The following CFAP20DC variants were observed in gnomAD, a reference collection of about 807,000 sequenced individuals.
CFAP20DC encodes CFAP20 domain containing.
In CFAP20DC, 84 loss-of-function variants were observed where a neutral mutation model predicts 101.7. The observed-to-expected ratio is 0.83, with a 90% CI of 0.69 to 0.99. CFAP20DC has a LOEUF of 0.99. CFAP20DC is among the 50% of genes least tolerant of loss of function. The pLI is 0.00. For synonymous variants in CFAP20DC, 359 were observed against 351.2 expected, an observed-to-expected ratio of 1.02 and a Z score of -0.25; for missense variants, 1,007 against 970.3, an observed-to-expected ratio of 1.04 and a Z score of -0.50.
intron 15 of CFAP20DC, among the ~76,000 whole-genome samples, chr3:58,761,026 G>T (rs556981143): frequency 2.6e-5 from 4 of 152,144 alleles, no homozygotes; most frequent in Non-Finnish European, 4.4e-5. Flanking sequence ...CCAGGCTTTG[G>T]TATCAGGATG....
intron 12 of CFAP20DC, chr3:58,862,357 T>C: frequency 3.0e-6 from 3 of 985,426 alleles, no homozygotes; most frequent in Non-Finnish European, 3.6e-6. Context: ...TTTTTATAGC[T>C]TTATGTTATT....
intron 6 of CFAP20DC, among the ~76,000 whole-genome samples, chr3:58,890,833 C>A (rs899874678): frequency 4.7e-5 from 7 of 149,414 alleles, no homozygotes; most frequent in Non-Finnish European, 7.4e-5. Context: ...GATGGGCCGC[C>A]GGGCAGAGAC....
rs772463592 is a variant in CFAP20DC, at chr3:58,889,002, CT to C, written c.551-4294del. Among the ~76,000 whole-genome samples, 958 of 145,172 alleles carry C rather than the reference CT, an allele frequency of 6.6e-3. 1 individual carries two copies. Among genetic ancestry groups the C allele is most frequent in the Non-Finnish European group, 6.6e-3 (436 of 65,854 alleles). The stretch of plus-strand genomic sequence containing the variant: ...CAGCATCTATTGTTTTTTTTTTTTA[CT>C]TTTTTTTTTAATTTTAGTATTTTGT... On this transcript the variant is annotated intron_variant, in intron 6 of 16. Transcript: ENST00000482387.
chr3:58,936,026 T>A (rs2107750310), intron 5 of CFAP20DC, among the ~76,000 whole-genome samples: 1 of 152,222 alleles, frequency 6.6e-6, no homozygotes, highest in East Asian at 1.9e-4. Context: ...CCTACTTATC[T>A]GACAAAGGGC....
At chr3:58,917,376 C>T (rs183868289) in intron 5 of CFAP20DC, among the ~76,000 whole-genome samples, 3 of 152,232 alleles carry the variant, frequency 2.0e-5, no homozygotes, top group South Asian at 2.1e-4. Context: ...CTATTCTCTG[C>T]CATTACTATA....
Position 58,729,115 on chromosome 3 carries a change from C to T in CFAP20DC, c.198-11487G>A, listed in dbSNP as rs1423725948. ...CTGGACCAAAAAATCTTGACTGCAA[C>T]CTCATGAGAGACCCCAAGCCAGAAC... On this transcript the variant is annotated intron_variant, in intron 3 of 3. Coordinates refer to the CFAP20DC transcript ENST00000486145. This position sits in a 1 kb window ranked among gnomAD's most constrained non-coding sequence, Gnocchi z 4.4. Among the ~76,000 whole-genome samples the T allele has an allele frequency of 6.6e-6, 1 of 152,150 alleles. No homozygotes were observed. The highest frequency in any genetic ancestry group is 2.4e-5 in the African/African-American group (1 of 41,428).
At chr3:58,731,864 A>G (rs2067652432) in intron 3 of CFAP20DC, among the ~76,000 whole-genome samples, 1 of 152,198 alleles carries the variant, frequency 6.6e-6, no homozygotes, top group Non-Finnish European at 1.5e-5. Flanking sequence ...CATCAATAGA[A>G]CCATTGTTGG....
intron 14 of CFAP20DC, among the ~76,000 whole-genome samples, chr3:58,825,988 AG>A (rs974853628): frequency 4.6e-5 from 7 of 152,318 alleles, no homozygotes; most frequent in African/African-American, 1.4e-4. Context: ...GAGGAATCAA[AG>A]TTTGTGTTAA....
intron 15 of CFAP20DC, among the ~76,000 whole-genome samples, chr3:58,769,602 T>C (rs2070654827): frequency 6.6e-6 from 1 of 152,122 alleles, no homozygotes; most frequent in Non-Finnish European, 1.5e-5. Context: ...CAGGAGAGCA[T>C]GCTCTGAGAG....
At chr3:58,939,753 C>T (rs934820779) in intron 4 of CFAP20DC, among the ~76,000 whole-genome samples, 3 of 147,216 alleles carry the variant, frequency 2.0e-5, no homozygotes, top group African/African-American at 7.5e-5. Flanking sequence ...TCACCGTGCC[C>T]GGCCCATTTT....
At chr3:58,846,319 C>G (rs2077636978) in intron 13 of CFAP20DC, among the ~76,000 whole-genome samples, 1 of 151,206 alleles carries the variant, frequency 6.6e-6, no homozygotes, top group African/African-American at 2.4e-5. Flanking sequence ...AGCAAAGTCT[C>G]AGGATACAAA....
Position 58,882,817 on chromosome 3 carries a change from G to A in CFAP20DC, c.715+1728C>T, listed in dbSNP as rs1250435078. Among the ~76,000 whole-genome samples, 1 of 152,148 alleles carries A rather than the reference G, an allele frequency of 6.6e-6. No homozygotes were observed. The highest frequency in any genetic ancestry group is 6.5e-5 in the Admixed American group (1 of 15,272). On this transcript the variant is annotated intron_variant, in intron 7 of 16. Transcript: ENST00000482387. This position sits in a 1 kb window ranked among gnomAD's most constrained non-coding sequence, Gnocchi z 4.2. ...AGTCCTACCTAAAGTTGGTAACTGT[G>A]GAAGCAGGTGATTGGGTACACAGGG...
downstream of CFAP20DC, among the ~76,000 whole-genome samples, chr3:58,741,329 C>T (rs550868980): frequency 4.8e-4 from 73 of 152,114 alleles, no homozygotes; most frequent in Non-Finnish European, 8.7e-4. Flanking sequence ...CAGAGTTAGA[C>T]GGACATCAAC....
At chr3:58,986,275 G>A (rs771806042) in intron 4 of CFAP20DC, among the ~76,000 whole-genome samples, 1 of 152,144 alleles carries the variant, frequency 6.6e-6, no homozygotes, top group East Asian at 1.9e-4. Context: ...GTGTTTATTG[G>A]GGGATGAGCT....
At chr3:58,758,389 T>G (rs2107319439) in intron 15 of CFAP20DC, among the ~76,000 whole-genome samples, 1 of 152,238 alleles carries the variant, frequency 6.6e-6, no homozygotes, top group South Asian at 2.1e-4. Flanking sequence ...CAGTCTTAGC[T>G]TTAGTTCTGA....
At chr3:58,935,363 G>T (rs970255899) in intron 5 of CFAP20DC, among the ~76,000 whole-genome samples, 8 of 151,970 alleles carry the variant, frequency 5.3e-5, no homozygotes, top group African/African-American at 1.7e-4. Flanking sequence ...GTAATTTATA[G>T]ATTCAATGCC....
intron 15 of CFAP20DC, among the ~76,000 whole-genome samples, chr3:58,785,586 CTA>C (rs1024075898): frequency 3.6e-4 from 54 of 151,846 alleles, no homozygotes; most frequent in Non-Finnish European, 2.5e-4. Context: ...AGAAAAAAAA[CTA>C]TCTTTTTACC....
intron 10 of CFAP20DC, 52 bp downstream of exon 10, chr3:58,867,765 G>A (rs1334445020): frequency 7.5e-6 from 12 of 1,602,294 alleles, no homozygotes; most frequent in South Asian, 5.5e-5. Context: ...AGAGAGATTC[G>A]ATTGCCCTGA....
At chr3:58,955,174 G>T (rs1465303304) in intron 4 of CFAP20DC, among the ~76,000 whole-genome samples, 1 of 151,818 alleles carries the variant, frequency 6.6e-6, no homozygotes, top group South Asian at 2.1e-4. Flanking sequence ...AGAACAAAAG[G>T]CTCCACTGAT....
Sources: allele counts gnomAD v4.1 joint callset (sites outside exome capture counted in the v4.1 genomes callset), GRCh38; gene constraint gnomAD v4.1.1; non-coding constraint Gnocchi (gnomAD v3.1); transcripts MANE v1.5; gene names NCBI Gene and HGNC (gene_info 2026-07-23, HGNC 2026-07-21).